The following PALM2AKAP2 variants were observed in gnomAD, a reference collection of about 807,000 sequenced individuals.
The protein encoded by PALM2AKAP2 is PALM2 and AKAP2 fusion, also known as PALM2-AKAP2 fusion protein.
A neutral mutation model predicts 71.5 loss-of-function variants in PALM2AKAP2; 37 were observed. The observed-to-expected ratio is 0.52, with a 90% CI of 0.40 to 0.68. The LOEUF is 0.68. Among genes scored for constraint, PALM2AKAP2 ranks in the 30% least tolerant of loss-of-function variants. The probability of loss-of-function intolerance (pLI) is 0.00; values close to 1 mark genes in which losing one functional copy is unlikely to be tolerated. For missense variants in PALM2AKAP2, 1,224 were observed against 1,191.8 expected (o/e 1.03, Z -0.40); for synonymous variants, 468 against 478.8 (o/e 0.98, Z 0.29).
chr9:109,760,234 G>A (rs896558483), intron 1 of PALM2AKAP2: 7 of 152,092 alleles, frequency 4.6e-5, no homozygotes, highest in Admixed American at 3.3e-4. Flanking sequence ...TTGCTTTGTG[G>A]AATTTAGGTT....
intron 2 of PALM2AKAP2, among the ~76,000 whole-genome samples, chr9:110,147,741 G>A (rs1283631355): frequency 6.6e-6 from 1 of 152,146 alleles, no homozygotes; most frequent in African/African-American, 2.4e-5. Context: ...CTGAACTCCA[G>A]TCTGAGTGAC....
chr9:110,059,334 C>T (rs1056156825), intron 1 of PALM2AKAP2, among the ~76,000 whole-genome samples: 8 of 152,296 alleles, frequency 5.3e-5, no homozygotes, highest in East Asian at 1.9e-4. Context: ...TGCTCTTTCT[C>T]GAAGTACAGA....
chr9:109,778,228 T>A (rs1829376490), upstream of PALM2AKAP2, among the ~76,000 whole-genome samples: 2 of 152,238 alleles, frequency 1.3e-5, no homozygotes, highest in East Asian at 3.8e-4. Flanking sequence ...TCTATCTCCA[T>A]ATCATTGGCC....
chr9:110,079,709 A>G (rs1834401405), intron 1 of PALM2AKAP2, among the ~76,000 whole-genome samples: 1 of 152,154 alleles, frequency 6.6e-6, no homozygotes, highest in African/African-American at 2.4e-5. Context: ...TCTAGAAGGT[A>G]TATATGGAGC....
intron 3 of PALM2AKAP2, among the ~76,000 whole-genome samples, chr9:109,917,735 C>G (rs916063745): frequency 3.3e-5 from 5 of 152,162 alleles, no homozygotes; most frequent in Non-Finnish European, 7.4e-5. Context: ...CTCAAGCAAT[C>G]CTCCAGCCTC....
chr9:109,759,918 T>C (rs141326244), intron 1 of PALM2AKAP2, among the ~76,000 whole-genome samples: 2 of 152,306 alleles, frequency 1.3e-5, no homozygotes, highest in African/African-American at 4.8e-5. Flanking sequence ...AATTTATATA[T>C]GGCAAAATTC....
At chr9:109,984,318 A>T (rs1832333023) in intron 6 of PALM2AKAP2, among the ~76,000 whole-genome samples, 1 of 152,172 alleles carries the variant, frequency 6.6e-6, no homozygotes, top group African/African-American at 2.4e-5. Context: ...TGACCTTCTA[A>T]AGATGATACA....
chr9:109,790,920 C>G (rs1214430141), intron 1 of PALM2AKAP2, among the ~76,000 whole-genome samples: 1 of 152,194 alleles, frequency 6.6e-6, no homozygotes, highest in Non-Finnish European at 1.5e-5. Flanking sequence ...CTCCTGTAAC[C>G]TGCATGGCCT....
chr9:109,910,731 A>C (rs1368108151), intron 3 of PALM2AKAP2, among the ~76,000 whole-genome samples: 4 of 151,994 alleles, frequency 2.6e-5, no homozygotes, highest in Non-Finnish European at 5.9e-5. Flanking sequence ...AAGCAGATGC[A>C]GCAGGGCGGT....
intron 1 of PALM2AKAP2, among the ~76,000 whole-genome samples, chr9:109,752,457 A>C (rs7864602): frequency 0.85 from 129,796 of 152,108 alleles, 55,800 homozygotes; most frequent in African/African-American, 0.96. Context: ...TAGGAAGGAG[A>C]TAAATGATGA....
intron 1 of PALM2AKAP2, among the ~76,000 whole-genome samples, chr9:110,096,662 TTG>T (rs1834847213): frequency 6.6e-6 from 1 of 152,070 alleles, no homozygotes; most frequent in Non-Finnish European, 1.5e-5. Flanking sequence ...CAGTCTTCTG[TTG>T]TGATTCCACT....
chr9:109,654,949 T>C (rs780179422), intron 1 of PALM2AKAP2, among the ~76,000 whole-genome samples: 1 of 152,126 alleles, frequency 6.6e-6, no homozygotes, highest in Non-Finnish European at 1.5e-5. Context: ...TGGAAAAGCT[T>C]TGGCACTTGT....
intron 1 of PALM2AKAP2, among the ~76,000 whole-genome samples, chr9:109,716,600 T>C (rs1307422978): frequency 2.6e-5 from 4 of 152,190 alleles, no homozygotes; most frequent in Non-Finnish European, 4.4e-5. Flanking sequence ...GACTCCTCCT[T>C]CCAAGGAGGA....
intron 1 of PALM2AKAP2, among the ~76,000 whole-genome samples, chr9:110,087,068 C>T (rs931245676): frequency 1.3e-5 from 2 of 152,172 alleles, no homozygotes; most frequent in African/African-American, 4.8e-5. Context: ...GCTATCCTTC[C>T]TGCCTGGACT....
chr9:109,819,958 G>A (rs1163269909), intron 1 of PALM2AKAP2, among the ~76,000 whole-genome samples: 1 of 152,118 alleles, frequency 6.6e-6, no homozygotes, highest in African/African-American at 2.4e-5. Context: ...CAATTCAATA[G>A]GAAAACAGGA....
chr9:109,919,790 T>G (rs1171452534), intron 3 of PALM2AKAP2, among the ~76,000 whole-genome samples: 1 of 151,534 alleles, frequency 6.6e-6, no homozygotes, highest in Admixed American at 6.6e-5. Context: ...GTATACACAC[T>G]TCTATTTGAC....
At chr9:109,958,502 A>G (rs1831789481) in intron 6 of PALM2AKAP2, among the ~76,000 whole-genome samples, 1 of 152,146 alleles carries the variant, frequency 6.6e-6, no homozygotes, top group Non-Finnish European at 1.5e-5. Context: ...AAATGAGACA[A>G]CGTGATTGTG....
At chr9:109,867,162 CTCTGTG>C (rs778025242) in intron 1 of PALM2AKAP2, 5 of 381,336 alleles carry the variant, frequency 1.3e-5, no homozygotes, top group African/African-American at 9.8e-5. Flanking sequence ...GAACATGGTT[CTCTGTG>C]TGTGTGTGTG....
At chr9:109,891,279 C>T (rs978944906) in intron 3 of PALM2AKAP2, among the ~76,000 whole-genome samples, 1 of 152,228 alleles carries the variant, frequency 6.6e-6, no homozygotes. Context: ...CCTTTGTTCC[C>T]TTGGCTAGCA....
Sources: gnomAD v4.1 joint callset for allele counts (sites outside exome capture counted in the v4.1 genomes callset) on GRCh38, gnomAD v4.1.1 for gene constraint, MANE v1.5 for transcripts, NCBI Gene and HGNC (gene_info 2026-07-23, HGNC 2026-07-21) for gene names.